The following GRIN2B variants were observed in gnomAD, a reference collection of about 807,000 sequenced individuals.
GRIN2B encodes the protein glutamate receptor ionotropic, NMDA 2B.
Under a neutral mutation model 114.5 loss-of-function variants are expected in GRIN2B, and 5 were observed. The ratio of observed to expected loss-of-function variants is 0.04; its 90% confidence interval spans 0.02 to 0.09. The LOEUF (loss-of-function observed/expected upper bound fraction) is 0.09. GRIN2B is among the 10% of genes least tolerant of loss of function. The probability of loss-of-function intolerance (pLI) is 1.00; values close to 1 mark genes in which losing one functional copy is unlikely to be tolerated. For synonymous variants in GRIN2B, 787 were observed against 745.1 expected (o/e 1.06, Z -0.92); for missense variants, 1,108 against 1,943.5 (o/e 0.57, Z 8.08).
intron 4 of GRIN2B, among the ~76,000 whole-genome samples, chr12:13,729,796 G>A (rs891801087): frequency 1.5e-5 from 2 of 129,126 alleles, no homozygotes; most frequent in Non-Finnish European, 3.2e-5. Context: ...AGTAGGGTGG[G>A]CGAGACAAAG....
intron 11 of GRIN2B, 22 bp downstream of exon 11, chr12:13,571,782 T>C: frequency 6.2e-7 from 1 of 1,613,112 alleles, no homozygotes; most frequent in Non-Finnish European, 8.5e-7. Flanking sequence ...TCAAGGACTC[T>C]GAGCTTGGAA....
intron 3 of GRIN2B, among the ~76,000 whole-genome samples, chr12:13,850,862 G>A (rs943506756): frequency 1.2e-4 from 18 of 151,978 alleles, no homozygotes; most frequent in Non-Finnish European, 2.5e-4. Context: ...GCCATTAATA[G>A]TGCGGGCCAG....
intron 10 of GRIN2B, among the ~76,000 whole-genome samples, chr12:13,578,782 T>A (rs1335648515): frequency 6.6e-6 from 1 of 151,950 alleles, no homozygotes; most frequent in East Asian, 1.9e-4. Context: ...AAAGAGTGAT[T>A]GGTAGGAGAA....
intron 11 of GRIN2B, among the ~76,000 whole-genome samples, chr12:13,570,983 C>CA (rs1948700247): frequency 6.6e-6 from 1 of 152,196 alleles, no homozygotes; most frequent in African/African-American, 2.4e-5. Flanking sequence ...GCCCTACCTT[C>CA]AAGCTCAAAT....
chr12:13,879,400 C>T (rs935855093), intron 2 of GRIN2B, among the ~76,000 whole-genome samples: 1 of 151,738 alleles, frequency 6.6e-6, no homozygotes, highest in African/African-American at 2.4e-5. Context: ...GAACCACTGT[C>T]ATTATAGGGC....
intron 3 of GRIN2B, among the ~76,000 whole-genome samples, chr12:13,767,462 G>T (rs1479043573): frequency 1.3e-5 from 2 of 151,946 alleles, no homozygotes; most frequent in Admixed American, 1.3e-4. Flanking sequence ...TATTTTAAAG[G>T]CTGCTTTTAT....
chr12:13,794,934 C>T (rs1360309978), intron 3 of GRIN2B, among the ~76,000 whole-genome samples: 2 of 152,214 alleles, frequency 1.3e-5, no homozygotes, highest in African/African-American at 4.8e-5. Context: ...CTATTGCCAG[C>T]AAGCCTCACC....
At chr12:13,595,471 G>A (rs968520664) in intron 10 of GRIN2B, among the ~76,000 whole-genome samples, 2 of 152,160 alleles carry the variant, frequency 1.3e-5, no homozygotes, top group Admixed American at 1.3e-4. Context: ...TGCCCATACT[G>A]TTTGGACTCC....
intron 2 of GRIN2B, among the ~76,000 whole-genome samples, chr12:13,870,127 A>G (rs1172596299): frequency 6.6e-6 from 1 of 152,172 alleles, no homozygotes; most frequent in East Asian, 1.9e-4. Flanking sequence ...GCATGGGGCA[A>G]AAGATGTTAG....
At chr12:13,621,613 G>GTTT (rs869106790) in intron 5 of GRIN2B, among the ~76,000 whole-genome samples, 8 of 72,364 alleles carry the variant, frequency 1.1e-4, no homozygotes, top group African/African-American at 3.3e-4. Flanking sequence ...CCTAGTTTTT[G>GTTT]TTTTTTTTTT....
intron 1 of GRIN2B, 52 bp from the exon 2 acceptor site, chr12:13,980,408 GT>G (rs1367271471): frequency 1.3e-5 from 2 of 152,140 alleles, no homozygotes; most frequent in African/African-American, 4.8e-5. Context: ...CCCCCGGAGG[GT>G]GAGAAAAATG....
chr12:13,833,125 T>C (rs888922373), intron 3 of GRIN2B, among the ~76,000 whole-genome samples: 41 of 152,342 alleles, frequency 2.7e-4, no homozygotes, highest in Middle Eastern at 3.4e-3. Context: ...TCTAGCACAG[T>C]GCATGACATA....
At chr12:13,601,191 A>G (rs1949153843) in intron 10 of GRIN2B, among the ~76,000 whole-genome samples, 1 of 152,224 alleles carries the variant, frequency 6.6e-6, no homozygotes, top group Admixed American at 6.5e-5. Context: ...ATAGCCACGA[A>G]CAGAAGCTTA....
At chr12:13,589,784 G>A (rs889488458) in intron 10 of GRIN2B, among the ~76,000 whole-genome samples, 2 of 152,148 alleles carry the variant, frequency 1.3e-5, no homozygotes, top group East Asian at 3.9e-4. Context: ...TGGTATAGAG[G>A]TTGGAAGACA....
chr12:13,965,574 C>CACAA (rs1555162720), intron 2 of GRIN2B, among the ~76,000 whole-genome samples: 2 of 151,708 alleles, frequency 1.3e-5, no homozygotes, highest in East Asian at 3.9e-4. Context: ...CACACACACA[C>CACAA]ACACACGTGT....
At chr12:13,900,771 C>G (rs1479405090) in intron 2 of GRIN2B, among the ~76,000 whole-genome samples, 1 of 152,150 alleles carries the variant, frequency 6.6e-6, no homozygotes, top group Non-Finnish European at 1.5e-5. Flanking sequence ...GATAGAATCA[C>G]TTAGAATCAT....
At chr12:13,662,383 A>G (rs1949933192) in intron 5 of GRIN2B, among the ~76,000 whole-genome samples, 1 of 152,204 alleles carries the variant, frequency 6.6e-6, no homozygotes, top group Admixed American at 6.5e-5. Context: ...GAAATTTCTT[A>G]TGACAGCTGC....
chr12:13,854,434 C>T (rs1283234904), intron 3 of GRIN2B, among the ~76,000 whole-genome samples: 2 of 152,088 alleles, frequency 1.3e-5, no homozygotes, highest in African/African-American at 2.4e-5. Flanking sequence ...CATTCAAACC[C>T]AGGAGGCAGA....
intron 4 of GRIN2B, among the ~76,000 whole-genome samples, chr12:13,752,589 C>T (rs2136627953): frequency 6.6e-6 from 1 of 152,232 alleles, no homozygotes; most frequent in South Asian, 2.1e-4. Context: ...GAATCTTCTA[C>T]CCCACAGAGT....
Sources: allele counts gnomAD v4.1 joint callset (sites outside exome capture counted in the v4.1 genomes callset), GRCh38; gene constraint gnomAD v4.1.1; transcripts MANE v1.5; gene names NCBI Gene and HGNC (gene_info 2026-07-23, HGNC 2026-07-21).